Variants in TENM4 observed in about 807,000 individuals in gnomAD.
TENM4 encodes the protein teneurin transmembrane protein 4.
Under a neutral mutation model 243.3 loss-of-function variants are expected in TENM4, and 82 were observed. The ratio of observed to expected loss-of-function variants is 0.34; its 90% CI spans 0.28 to 0.40. The LOEUF (loss-of-function observed/expected upper bound fraction) is 0.40. Ranked by LOEUF, TENM4 falls within the 10% of genes least tolerant of loss-of-function variation. The pLI is 1.00. For synonymous variants in TENM4, 1,412 were observed against 1,456.3 expected, an observed-to-expected ratio of 0.97 and a Z score of 0.69; for missense variants, 3,138 against 3,673.3, an observed-to-expected ratio of 0.85 and a Z score of 3.77.
chr11:79,063,244 C>T (rs1860146714), intron 6 of TENM4, among the ~76,000 whole-genome samples: 1 of 152,178 alleles, frequency 6.6e-6, no homozygotes, highest in South Asian at 2.1e-4. Flanking sequence ...CTTGGTTTTG[C>T]ACCACTCAGT....
At position 78,968,195 on chromosome 11, in the gene TENM4, C is replaced by T. The variant is rs528644207; in HGVS notation, c.494-64672G>A. Among the ~76,000 whole-genome samples the T allele has an allele frequency of 1.3e-4, 20 of 152,326 alleles. No homozygotes were observed. The South Asian group carries it at 2.9e-3, about 22-fold the overall frequency. ...ACACATGCTCTCCCTTTGCCTTCTG[C>T]GATAAGTAAAAGCTTCCTGGGGCCT... On this transcript the variant is annotated intron_variant, in intron 6 of 33. Coordinates refer to ENST00000278550, the MANE Select transcript of TENM4 (RefSeq NM_001098816.3).
At chr11:79,117,958 G>T (rs1261293063) in intron 4 of TENM4, among the ~76,000 whole-genome samples, 3 of 152,184 alleles carry the variant, frequency 2.0e-5, no homozygotes, top group Non-Finnish European at 4.4e-5. Context: ...GAATGGTTAT[G>T]AAAAGGCTTG....
chr11:79,120,924 T>C lies in TENM4; in HGVS notation c.-66+27786A>G, dbSNP rs534435936. On this transcript the variant is annotated intron_variant, in intron 4 of 33. Coordinates refer to ENST00000278550, the MANE Select transcript of TENM4 (RefSeq NM_001098816.3). ...AGATAGACATTACTGTTATCCCATT[T>C]TGCAGATGATAAAACTGAGGCCTCG... Among the ~76,000 whole-genome samples, 272 of 152,356 alleles carry C rather than the reference T, an allele frequency of 1.8e-3. 1 individual carries two copies. Among genetic ancestry groups the C allele is most frequent in the South Asian group, 2.9e-3 (14 of 4,824 alleles).
At chr11:79,026,626 G>C (rs1859087372) in intron 6 of TENM4, among the ~76,000 whole-genome samples, 1 of 152,170 alleles carries the variant, frequency 6.6e-6, no homozygotes, top group Non-Finnish European at 1.5e-5. Flanking sequence ...GTCAGGCACT[G>C]TTGGGTCCTT....
intron 9 of TENM4, among the ~76,000 whole-genome samples, chr11:78,881,446 T>G (rs1256100933): frequency 6.6e-6 from 1 of 152,134 alleles, no homozygotes; most frequent in Non-Finnish European, 1.5e-5. Context: ...ATGCCTCTAT[T>G]GAAGACCATA....
At chr11:79,257,517 A>C (rs1486437180) in intron 2 of TENM4, among the ~76,000 whole-genome samples, 1 of 152,118 alleles carries the variant, frequency 6.6e-6, no homozygotes, top group African/African-American at 2.4e-5. Context: ...TGGCCAGCAA[A>C]TACTGATCCA....
chr11:78,726,899 A>G (rs1855523971), intron 22 of TENM4, among the ~76,000 whole-genome samples: 1 of 152,256 alleles, frequency 6.6e-6, no homozygotes, highest in Non-Finnish European at 1.5e-5. Flanking sequence ...AGGTATTTAT[A>G]ACAACACGAG....
intron 1 of TENM4, among the ~76,000 whole-genome samples, chr11:79,436,567 G>A (rs1565346020): frequency 6.6e-6 from 1 of 152,224 alleles, no homozygotes; most frequent in East Asian, 1.9e-4. Context: ...TTGGAAGAGA[G>A]TCCGTGGGAA....
At chr11:79,182,848 A>G (rs1591338198) in intron 3 of TENM4, among the ~76,000 whole-genome samples, 1 of 152,230 alleles carries the variant, frequency 6.6e-6, no homozygotes, top group East Asian at 1.9e-4. Context: ...AGAGAACTGC[A>G]AATTAAAACA....
chr11:79,130,402 TG>T (rs1861977918), intron 4 of TENM4, among the ~76,000 whole-genome samples: 1 of 150,702 alleles, frequency 6.6e-6, no homozygotes, highest in South Asian at 2.1e-4. Flanking sequence ...CTGATGTACC[TG>T]AAAAAGAAGT....
Position 78,658,288 on chromosome 11 carries a change from C to T in TENM4, c.8080G>A (p.Ala2694Thr), listed in dbSNP as rs1481818048. 2.5e-6 allele frequency: 4 copies of T among 1,612,568 alleles called. No individual in the cohort carries two copies. Among genetic ancestry groups the T allele is most frequent in the Non-Finnish European group, 3.4e-6 (4 of 1,178,964 alleles). Residue 2694 changes from alanine to threonine, a missense_variant, in exon 34 of 34, where the codon GCC becomes ACC. Around this residue, in one of 2 missense-constraint regions of TENM4, gnomAD observed 2,467 missense variants for 3,059.1 expected, o/e 0.81. Coordinates refer to ENST00000278550, the MANE Select transcript of TENM4 (RefSeq NM_001098816.3). Reference sequence around the variant, plus strand: ...GCTTGGCGCACGGCTCTCTGCCGGGCCAGCTCCAGGACCCGTGCCTTCTCC... The same window carrying T: ...GCTTGGCGCACGGCTCTCTGCCGGGTCAGCTCCAGGACCCGTGCCTTCTCC... ...DEEKARVLEL[A>T]RQRAVRQAWA... is the part of the protein sequence containing the mutation.
intron 12 of TENM4, 85 bp from the exon 13 acceptor site, chr11:78,814,480 A>C: frequency 8.6e-7 from 1 of 1,159,138 alleles, no homozygotes; most frequent in Admixed American, 2.6e-5. Flanking sequence ...AGGTTAGCCA[A>C]GACCCACATA....
intron 2 of TENM4, among the ~76,000 whole-genome samples, chr11:79,287,316 A>T (rs908472534): frequency 6.6e-6 from 1 of 152,146 alleles, no homozygotes; most frequent in Non-Finnish European, 1.5e-5. Context: ...AGTACCAGAA[A>T]ATGAAGAGGA....
chr11:78,874,291 G>T (rs1358549951), intron 9 of TENM4, among the ~76,000 whole-genome samples: 8 of 152,088 alleles, frequency 5.3e-5, no homozygotes, highest in Non-Finnish European at 1.2e-4. Context: ...GCTCTTGTAA[G>T]AATTAAATTT....
chr11:79,020,094 T>TGAG (rs1858887317), intron 6 of TENM4, among the ~76,000 whole-genome samples: 1 of 152,188 alleles, frequency 6.6e-6, no homozygotes, highest in South Asian at 2.1e-4. Flanking sequence ...ACTTCTTTGT[T>TGAG]AAATAGAACA....
intron 4 of TENM4, among the ~76,000 whole-genome samples, chr11:79,078,411 TG>T (rs1860584981): frequency 6.6e-6 from 1 of 152,154 alleles, no homozygotes; most frequent in African/African-American, 2.4e-5. Flanking sequence ...TCCTTCAAAG[TG>T]TGGTCTTTGA....
intron 6 of TENM4, among the ~76,000 whole-genome samples, chr11:79,004,596 A>C (rs1858425287): frequency 6.6e-6 from 1 of 152,158 alleles, no homozygotes; most frequent in African/African-American, 2.4e-5. Flanking sequence ...AGGATCTCTA[A>C]AGCATTGTTA....
At chr11:79,168,726 T>C (rs1348615299) in intron 3 of TENM4, among the ~76,000 whole-genome samples, 2 of 152,148 alleles carry the variant, frequency 1.3e-5, no homozygotes, top group Non-Finnish European at 2.9e-5. Context: ...GCTCCTCCCA[T>C]AGGAGGTGGA....
At chr11:78,711,866 G>C (rs1859405395) in intron 26 of TENM4, among the ~76,000 whole-genome samples, 1 of 152,196 alleles carries the variant, frequency 6.6e-6, no homozygotes, top group Non-Finnish European at 1.5e-5. Context: ...TCACACTCAA[G>C]TCTTATTTAT....
Sources: gnomAD v4.1 joint callset for allele counts (sites outside exome capture counted in the v4.1 genomes callset) on GRCh38, gnomAD v4.1.1 for gene constraint, gnomAD v4.1.1 regional missense constraint, MANE v1.5 for transcripts, NCBI Gene and HGNC (gene_info 2026-07-23, HGNC 2026-07-21) for gene names.